Variants in LMBR1L observed in about 807,000 individuals in gnomAD.
The protein encoded by LMBR1L is limb development membrane protein 1 like, also known as protein LMBR1L.
A neutral mutation model predicts 67.3 loss-of-function variants in LMBR1L; 47 were observed. That is an observed-to-expected ratio of 0.70 (90% CI 0.55 to 0.89). The LOEUF (loss-of-function observed/expected upper bound fraction) is 0.89, where lower values mean the gene tolerates loss of function less well. Ranked by LOEUF, LMBR1L falls within the 40% of genes least tolerant of loss-of-function variation. LMBR1L has a pLI of 0.00. For missense variants in LMBR1L, 533 were observed against 599.2 expected (o/e 0.89, Z 1.15); for synonymous variants, 247 against 250.3 (o/e 0.99, Z 0.13).
intron 8 of LMBR1L, among the ~76,000 whole-genome samples, 157 bp from the exon 9 acceptor site, chr12:49,102,697 T>C (rs1335338015): frequency 6.6e-6 from 1 of 152,140 alleles, no homozygotes; most frequent in Non-Finnish European, 1.5e-5. Context: ...TCCCTCCCAA[T>C]TGCCCTGTAT....
At chr12:49,107,615 C>T (rs1274726) in intron 1 of LMBR1L, among the ~76,000 whole-genome samples, 65,078 of 152,102 alleles carry the variant, frequency 0.43, 17,371 homozygotes, top group Non-Finnish European at 0.59. Context: ...ATCAGGTCTG[C>T]TCTGGGCCAA....
At position 49,104,903 on chromosome 12, in the gene LMBR1L, C is replaced by G. The variant is rs1191129455; in HGVS notation, c.192-18G>C. The G allele has an allele frequency of 1.9e-6, 3 of 1,603,666 alleles. No homozygotes were observed. Among genetic ancestry groups the G allele is most frequent in the Non-Finnish European group, 1.7e-6 (2 of 1,175,854 alleles). ...GCTCGAGCCTGGGCAGAGAAGGGGACAGTGTCCTTGCTTAGCTCAGCACTC... is the reference window on the plus strand; with the variant it reads ...GCTCGAGCCTGGGCAGAGAAGGGGAGAGTGTCCTTGCTTAGCTCAGCACTC... On this transcript the variant is annotated intron_variant, in intron 3 of 16. Transcript: ENST00000267102.
intron 11 of LMBR1L, chr12:49,101,914 C>T: frequency 1.7e-6 from 1 of 595,798 alleles, no homozygotes; most frequent in South Asian, 2.0e-5. Flanking sequence ...TTGGGCAAGT[C>T]ACTCAACTCT....
At chr12:49,098,685 G>T (rs1246637920) in intron 15 of LMBR1L, among the ~76,000 whole-genome samples, 1 of 152,056 alleles carries the variant, frequency 6.6e-6, no homozygotes, top group East Asian at 1.9e-4. Flanking sequence ...ATTCTTACCT[G>T]CATCCACCCT....
At chr12:49,106,187 C>G (rs1013602967) in intron 2 of LMBR1L, 9 of 559,802 alleles carry the variant, frequency 1.6e-5, no homozygotes, top group Non-Finnish European at 2.8e-5. Flanking sequence ...GCCAGACATT[C>G]CTATACTTCT....
chr12:49,098,138 T>G, intron 15 of LMBR1L, 33 bp from the exon 16 acceptor site: 2 of 1,588,480 alleles, frequency 1.3e-6, no homozygotes, highest in Non-Finnish European at 1.7e-6. Flanking sequence ...AGAGGTGGGC[T>G]CCCCAGGCCC....
chr12:49,104,448 C>CT lies in LMBR1L; in HGVS notation c.434dup (p.Val147CysfsTer7), dbSNP rs746115310. ...GCCTGGATACATATCCCCTACTTAC[C>CT]TTTCTGGAGCCAGCAAAGCCCTCAG... On this transcript the variant is annotated frameshift_variant and splice_region_variant, in exon 5 of 17. Coordinates refer to ENST00000267102, the MANE Select transcript of LMBR1L (RefSeq NM_018113.4). LOFTEE classifies it high-confidence loss of function. The CT allele has an allele frequency of 6.9e-6, 11 of 1,602,864 alleles. No individual in the cohort carries two copies. The highest frequency in any genetic ancestry group is 9.4e-6 in the Non-Finnish European group (11 of 1,169,936).
chr12:49,102,599 A>G, intron 8 of LMBR1L, 59 bp from the exon 9 acceptor site: 1 of 1,541,580 alleles, frequency 6.5e-7, no homozygotes, highest in Non-Finnish European at 9.0e-7. Context: ...CAAAGGCCCC[A>G]GGAGAACCCT....
At chr12:49,103,617 A>G in intron 6 of LMBR1L, 70 bp downstream of exon 6, 1 of 1,538,270 alleles carries the variant, frequency 6.5e-7, no homozygotes, top group South Asian at 1.3e-5. Context: ...AGAAGGTTAC[A>G]GTCATTCCAG....
At chr12:49,100,104 T>C (rs1939940646) in intron 15 of LMBR1L, among the ~76,000 whole-genome samples, 1 of 152,210 alleles carries the variant, frequency 6.6e-6, no homozygotes, top group African/African-American at 2.4e-5. Context: ...TTTACTAGAT[T>C]ATTCACCCAG....
intron 11 of LMBR1L, 137 bp from the exon 12 acceptor site, chr12:49,101,686 A>C (rs1806368667): frequency 1.6e-6 from 1 of 637,576 alleles, no homozygotes; most frequent in South Asian, 1.9e-5. Flanking sequence ...ATGGGACCTC[A>C]TCAAGGCTGC....
chr12:49,104,864 G>C lies in LMBR1L; in HGVS notation c.213C>G (p.Thr71=), dbSNP rs775845187. ...NKIALELCTF[T]LAIALGAVLL... ...GGACAGCACCCAGGGCAATTGCCAG[G>C]GTAAAGGTGCACAGCTCGAGCCTGG... Residue 71 remains threonine (T), a synonymous_variant, in exon 4 of 17, where the codon ACC becomes ACG. Transcript: ENST00000267102. 1 of 1,612,860 alleles carries C rather than the reference G, an allele frequency of 6.2e-7. No homozygotes were observed. Among genetic ancestry groups the C allele is most frequent in the African/African-American group, 1.3e-5 (1 of 74,900 alleles).
chr12:49,107,023 G>T lies in LMBR1L; in HGVS notation c.95C>A (p.Thr32Lys). ...ECIISTLLFATLYILCHIFLT... is the reference protein window; with the variant it reads ...ECIISTLLFAKLYILCHIFLT... ...GAAGATGTGGCAGAGGATGTACAGT[G>T]TTGCAAACAGAAGTGTTGATATCTG... Residue 32 changes from threonine (T) to lysine (K), a missense_variant, in exon 2 of 17, where the codon ACA becomes AAA. By Grantham distance (78) the Thr-to-Lys change is moderately conservative. Transcript: ENST00000267102. 1 of 1,613,442 alleles carries T rather than the reference G, an allele frequency of 6.2e-7. No homozygotes were observed. Among genetic ancestry groups the T allele is most frequent in the East Asian group, 2.2e-5 (1 of 44,884 alleles).
Position 49,097,650 on chromosome 12 carries a change from C to T in LMBR1L, c.*22G>A. On this transcript the variant is annotated 3_prime_UTR_variant, in exon 17 of 17. Coordinates refer to ENST00000267102, the MANE Select transcript of LMBR1L (RefSeq NM_018113.4). Reference sequence around the variant, plus strand: ...AGCAGATGGCAGTGTCCAGTTTTTTCCTTCCCACCCCCAGCTGGAGGTCAC... The same window carrying T: ...AGCAGATGGCAGTGTCCAGTTTTTTTCTTCCCACCCCCAGCTGGAGGTCAC... 1 of 1,611,574 alleles carries T rather than the reference C, an allele frequency of 6.2e-7. No homozygotes were observed. Among genetic ancestry groups the T allele is most frequent in the Non-Finnish European group, 8.5e-7 (1 of 1,179,368 alleles).
Position 49,101,303 on chromosome 12 carries a change from G to T in LMBR1L, c.1029C>A (p.Val343=). The T allele has an allele frequency of 6.2e-7, 1 of 1,614,200 alleles. No homozygotes were observed. The highest frequency in any genetic ancestry group is 1.3e-5 in the African/African-American group (1 of 75,058). Residue 343 remains valine, a synonymous_variant, in exon 13 of 17, where the codon GTC becomes GTA. Transcript: ENST00000267102. The stretch of plus-strand genomic sequence containing the variant: ...CAAAGGAGCCCAGCTTGGAGAAGGA[G>T]ACCTGGCCTAAGGAGGTACCCTGAG... ...RGMQGTSLGQ[V]SFSKLGSFGA...
In LMBR1L at chr12:49,104,970, C is replaced by T. The variant is rs1489894821; in HGVS notation, c.192-85G>A. ...GAAGCCCCATTTGTCCTGAGGGCGC[C>T]TGTGGCTTCCAGAACCAGCTGTAGC... On this transcript the variant is annotated intron_variant, in intron 3 of 16. Coordinates refer to ENST00000267102, the MANE Select transcript of LMBR1L (RefSeq NM_018113.4). 9 of 1,437,986 alleles carry T rather than the reference C, an allele frequency of 6.3e-6. No individual in the cohort carries two copies. In the Admixed American group the frequency reaches 1.6e-4, roughly 26 times the overall value. The allele number at this position is 1,437,986 out of a possible 1,614,324, so 89.1% of individuals were successfully genotyped here.
At chr12:49,110,172 C>A (rs779744954) in intron 1 of LMBR1L, 4 of 565,830 alleles carry the variant, frequency 7.1e-6, no homozygotes, top group Non-Finnish European at 1.0e-5. Context: ...CTAAGGCAGA[C>A]TCCGCAGGCT....
In LMBR1L at chr12:49,102,383, G is replaced by A. The variant is rs1354513977; in HGVS notation, c.770-7C>T. ...AGCCAGCAGGAAGTAGGATCTGAGG[G>A]CAGAGAAGATGGTGTTGCTCTCAAG... On this transcript the variant is annotated splice_region_variant and splice_polypyrimidine_tract_variant and intron_variant, in intron 9 of 16. Coordinates refer to ENST00000267102, the MANE Select transcript of LMBR1L (RefSeq NM_018113.4). The A allele has an allele frequency of 6.2e-7, 1 of 1,614,124 alleles. No homozygotes were observed. The highest frequency in any genetic ancestry group is 1.3e-5 in the African/African-American group (1 of 75,048).
At position 49,107,003 on chromosome 12, in the gene LMBR1L, T is replaced by C. The variant is rs113865599; in HGVS notation, c.115A>G (p.Ile39Val). 3.1e-5 allele frequency: 50 copies of C among 1,613,854 alleles called. No homozygotes were observed. Among genetic ancestry groups the C allele is most frequent in the African/African-American group, 1.7e-4 (13 of 75,024 alleles). ...GGCTTCTTGAAGCGGGTCAGGAAGA[T>C]GTGGCAGAGGATGTACAGTGTTGCA... ...LFATLYILCH[I>V]FLTRFKKPAE... is the part of the protein sequence containing the mutation. Residue 39 changes from isoleucine to valine, a missense_variant, in exon 2 of 17, where the codon ATC (isoleucine) becomes GTC (valine). Transcript: ENST00000267102.
Sources: gnomAD v4.1 joint callset for allele counts (sites outside exome capture counted in the v4.1 genomes callset) on GRCh38, gnomAD v4.1.1 for gene constraint, MANE v1.5 for transcripts, NCBI Gene and HGNC (gene_info 2026-07-23, HGNC 2026-07-21) for gene names.